The following LRP11 variants were observed in gnomAD, a reference collection of about 807,000 sequenced individuals.
The protein encoded by LRP11 is low-density lipoprotein receptor-related protein 11.
A neutral mutation model predicts 43.1 loss-of-function variants in LRP11; 25 were observed. The observed-to-expected ratio is 0.58, with a 90% CI of 0.42 to 0.81. LRP11 has a LOEUF of 0.81. Ranked by LOEUF, LRP11 falls within the 30% of genes least tolerant of loss-of-function variation. The pLI is 0.00. For synonymous variants in LRP11, 316 were observed against 299.4 expected, an observed-to-expected ratio of 1.06 and a Z score of -0.57; for missense variants, 623 against 665.1, an observed-to-expected ratio of 0.94 and a Z score of 0.70.
chr6:149,826,046 G>A (rs988853719), intron 6 of LRP11: 2 of 542,494 alleles, frequency 3.7e-6, no homozygotes, highest in Non-Finnish European at 3.3e-6. Context: ...CACCTGGAAG[G>A]GTGTATAGAA....
chr6:149,836,674 C>T (rs1043294175), intron 4 of LRP11, among the ~76,000 whole-genome samples: 1 of 152,048 alleles, frequency 6.6e-6, no homozygotes, highest in Non-Finnish European at 1.5e-5. Flanking sequence ...ATTAGCTGGG[C>T]ATGGTGGTAC....
chr6:149,850,881 A>T (rs1776708967), intron 2 of LRP11, among the ~76,000 whole-genome samples: 1 of 152,186 alleles, frequency 6.6e-6, no homozygotes. Context: ...ATGTTTCCTG[A>T]CAGTCTTCAT....
chr6:149,820,793 C>T (rs1481628109), intron 6 of LRP11, 90 bp from the exon 7 acceptor site: 3 of 671,822 alleles, frequency 4.5e-6, no homozygotes, highest in African/African-American at 3.6e-5. Context: ...TTTGCATGCA[C>T]TATTTTATTT....
intron 6 of LRP11, among the ~76,000 whole-genome samples, chr6:149,823,155 A>G (rs1776297631): frequency 6.6e-6 from 1 of 152,182 alleles, no homozygotes; most frequent in South Asian, 2.1e-4. Context: ...AAGCTGAGGA[A>G]AGAGACGTCC....
At chr6:149,831,942 T>G (rs1776412971) in intron 5 of LRP11, among the ~76,000 whole-genome samples, 1 of 151,768 alleles carries the variant, frequency 6.6e-6, no homozygotes, top group East Asian at 2.0e-4. Flanking sequence ...GGATTACAGG[T>G]GTGAGCTGCT....
At position 149,836,101 on chromosome 6, in the gene LRP11, G is replaced by T; in HGVS notation, c.1236C>A (p.Ile412=). The T allele has an allele frequency of 6.2e-7, 1 of 1,614,026 alleles. No individual in the cohort carries two copies. Among genetic ancestry groups the T allele is most frequent in the South Asian group, 1.1e-5 (1 of 91,032 alleles). The part of the protein sequence containing the change: ...HSAFWGPESQ[I]IPVMPDSSSS... ...AATCCTTACCTGGCATCACAGGAAT[G>T]ATTTGACTCTCTGGTCCCCAAAAGG... Residue 412 remains isoleucine, a synonymous_variant, in exon 5 of 7, where the codon ATC becomes ATA. Transcript: ENST00000239367.
intron 1 of LRP11, among the ~76,000 whole-genome samples, chr6:149,855,142 A>T (rs900078414): frequency 1.3e-5 from 2 of 152,178 alleles, no homozygotes; most frequent in African/African-American, 2.4e-5. Context: ...GTTTCCACTA[A>T]CCCTTTCCTG....
intron 2 of LRP11, among the ~76,000 whole-genome samples, chr6:149,847,289 T>C (rs1197154046): frequency 6.6e-6 from 1 of 152,202 alleles, no homozygotes; most frequent in Non-Finnish European, 1.5e-5. Context: ...GCCCAGGCAC[T>C]GCCTCTCTGA....
At chr6:149,828,531 C>T (rs1012833992) in intron 5 of LRP11, among the ~76,000 whole-genome samples, 1 of 151,658 alleles carries the variant, frequency 6.6e-6, no homozygotes, top group South Asian at 2.1e-4. Flanking sequence ...CTTTGTTGCC[C>T]AGGCTAGAGT....
Position 149,863,499 on chromosome 6 carries a change from C to G in LRP11, c.522G>C (p.Lys174Asn). Residue 174 changes from lysine to asparagine, a missense_variant, in exon 1 of 7, where the codon AAG becomes AAC. By Grantham distance (94) the Lys-to-Asn change is moderately conservative (BLOSUM62 0). Transcript: ENST00000239367. Reference protein sequence around the residue: ...NCTARGRNVCKFALHSGYSSY... With the variant: ...NCTARGRNVCNFALHSGYSSY... ...TGCTGTAGCCGCTGTGCAGCGCGAA[C>G]TTGCAGACGTTGCGGCCGCGCGCCG... The G allele has an allele frequency of 7.4e-7, 1 of 1,347,464 alleles. No individual in the cohort carries two copies. Among genetic ancestry groups the G allele is most frequent in the Middle Eastern group, 2.7e-4 (1 of 3,720 alleles). The allele number at this position is 1,347,464 out of a possible 1,614,324, so 83.5% of individuals were successfully genotyped here. A position where few individuals can be genotyped will look rare whatever the true frequency, so the allele number is the denominator to read the frequency against.
At chr6:149,859,583 A>ATGGAGTT (rs928156194) in intron 1 of LRP11, among the ~76,000 whole-genome samples, 6 of 151,262 alleles carry the variant, frequency 4.0e-5, no homozygotes, top group Non-Finnish European at 7.4e-5. Flanking sequence ...TTTAGTACAG[A>ATGGAGTT]TGGAGTTTCA....
At position 149,826,355 on chromosome 6, in the gene LRP11, A is replaced by C. The variant is rs1314955767; in HGVS notation, c.1257T>G (p.Ser419Arg). Residue 419 changes from serine to arginine, a missense_variant, in exon 6 of 7, where the codon AGT becomes AGG. By Grantham distance (110) the Ser-to-Arg change is moderately radical. Coordinates refer to ENST00000239367, the MANE Select transcript of LRP11 (RefSeq NM_032832.6). ...CTTTTCTGTTCTTCCCTGAGGAACT[A>C]CTATCTGCAGAAAAGAAAGAGAACA... is the stretch of plus-strand genomic sequence containing the variant. The part of the protein sequence containing the change: ...ESQIIPVMPD[S>R]SSSGKNRKEE... 1.2e-6 allele frequency: 2 copies of C among 1,605,360 alleles called. No homozygotes were observed. Among genetic ancestry groups the C allele is most frequent in the Non-Finnish European group, 1.7e-6 (2 of 1,172,134 alleles).
chr6:149,846,961 TAGAATAG>T (rs1562443317), intron 2 of LRP11, among the ~76,000 whole-genome samples: 4 of 123,132 alleles, frequency 3.2e-5, no homozygotes, highest in African/African-American at 9.4e-5. Flanking sequence ...AATAATAGAA[TAGAATAG>T]AATAGAATAG....
intron 1 of LRP11, among the ~76,000 whole-genome samples, chr6:149,855,575 G>A (rs183789544): frequency 1.8e-4 from 27 of 152,228 alleles, no homozygotes; most frequent in Admixed American, 1.0e-3. Context: ...ATTGGAAAGC[G>A]AGAAAAAGCA....
chr6:149,852,935 G>A, intron 2 of LRP11, 68 bp downstream of exon 2: 2 of 1,388,874 alleles, frequency 1.4e-6, no homozygotes, highest in South Asian at 1.5e-5. Context: ...AGCATGAAGT[G>A]GCAGGACATT....
Position 149,843,079 on chromosome 6 carries a change from T to A in LRP11, c.817A>T (p.Thr273Ser). 6.2e-7 allele frequency: 1 copy of A among 1,614,108 alleles called. No homozygotes were observed. Among genetic ancestry groups the A allele is most frequent in the Non-Finnish European group, 8.5e-7 (1 of 1,179,994 alleles). The change falls in exon 3 of 7, where the codon ACC becomes TCC. Residue 273 changes from threonine to serine, a missense_variant. Coordinates refer to ENST00000239367, the MANE Select transcript of LRP11 (RefSeq NM_032832.6). ...TLKLSHLQEG[T>S]YTFQLTVTDT... ...GTCACGGTCAGCTGGAAGGTGTAGGTTCCCTCCTGTAGGTGGGACAGCTTC... is the reference window on the plus strand; with the variant it reads ...GTCACGGTCAGCTGGAAGGTGTAGGATCCCTCCTGTAGGTGGGACAGCTTC...
In LRP11 at chr6:149,864,297, C is replaced by T; in HGVS notation, c.-277G>A. 9.6e-7 allele frequency: 1 copy of T among 1,042,680 alleles called. No homozygotes were observed. The allele number at this position is 1,042,680 out of a possible 1,614,324, so 64.6% of individuals were successfully genotyped here. ...CCCTGCGCCTCTCCGCCCCGGCCTG[C>T]GGCGCGCTGGGTGGCGACGAGTCGG... On this transcript the variant is annotated 5_prime_UTR_variant, in exon 1 of 7. Transcript: ENST00000239367.
At chr6:149,863,386 G>C in intron 1 of LRP11, 22 bp downstream of exon 1, 1 of 1,331,854 alleles carries the variant, frequency 7.5e-7, no homozygotes, top group Non-Finnish European at 9.6e-7. Context: ...GGCCAAGGCC[G>C]GCCCCTCAGT....
chr6:149,842,841 G>T, intron 3 of LRP11, 142 bp downstream of exon 3: 1 of 1,217,332 alleles, frequency 8.2e-7, no homozygotes, highest in Non-Finnish European at 1.1e-6. Context: ...TTGTTATTGT[G>T]TTTTTAGCAA....
Sources: allele counts gnomAD v4.1 joint callset (sites outside exome capture counted in the v4.1 genomes callset), GRCh38; gene constraint gnomAD v4.1.1; transcripts MANE v1.5; gene names NCBI Gene and HGNC (gene_info 2026-07-23, HGNC 2026-07-21).